Variants in SPINK5 observed in about 807,000 individuals in gnomAD.
SPINK5 encodes serine protease inhibitor Kazal-type 5.
Under a neutral mutation model 151.8 loss-of-function variants are expected in SPINK5, and 125 were observed. The ratio of observed to expected loss-of-function variants is 0.82; its 90% CI spans 0.71 to 0.96. SPINK5 has a LOEUF of 0.96. SPINK5 is among the 40% of genes least tolerant of loss of function. The pLI is 0.00. For synonymous variants in SPINK5, 374 were observed against 395.3 expected, an observed-to-expected ratio of 0.95 and a Z score of 0.64; for missense variants, 1,194 against 1,291.9, an observed-to-expected ratio of 0.92 and a Z score of 1.16.
chr5:148,112,224 A>T (rs1241209715), intron 19 of SPINK5, among the ~76,000 whole-genome samples: 1 of 152,224 alleles, frequency 6.6e-6, no homozygotes, highest in Admixed American at 6.5e-5. Flanking sequence ...TGTAATCATT[A>T]GGTGCTAATA....
chr5:148,128,591 C>T (rs1416750609), intron 30 of SPINK5, among the ~76,000 whole-genome samples: 1 of 152,100 alleles, frequency 6.6e-6, no homozygotes, highest in Non-Finnish European at 1.5e-5. Flanking sequence ...TGCAGTGGCG[C>T]GATCTCGGCT....
At chr5:148,072,279 GCTAT>G (rs1355825642) in intron 4 of SPINK5, 59 bp downstream of exon 4, 5 of 1,550,730 alleles carry the variant, frequency 3.2e-6, no homozygotes, top group African/African-American at 1.4e-5. Flanking sequence ...TCTATTTAGA[GCTAT>G]CTGTTTATTC....
At chr5:148,097,738 T>G (rs1456417315) in intron 10 of SPINK5, 129 bp from the exon 11 acceptor site, 5 of 910,164 alleles carry the variant, frequency 5.5e-6, no homozygotes, top group South Asian at 5.3e-5. Context: ...TCACAATTTT[T>G]GGATGGTCCT....
chr5:148,091,480 AAAG>A (rs1332478153), intron 8 of SPINK5, among the ~76,000 whole-genome samples: 3 of 151,824 alleles, frequency 2.0e-5, no homozygotes, highest in African/African-American at 7.2e-5. Context: ...CTAGCCCCCA[AAAG>A]AAGATATAAG....
intron 4 of SPINK5, among the ~76,000 whole-genome samples, chr5:148,083,782 T>A (rs1753084012): frequency 1.3e-5 from 2 of 151,604 alleles, no homozygotes; most frequent in Admixed American, 6.6e-5. Flanking sequence ...TTTATTTCCT[T>A]CTTTTGGAGA....
At chr5:148,078,348 G>C (rs569496589) in intron 4 of SPINK5, among the ~76,000 whole-genome samples, 45 of 151,008 alleles carry the variant, frequency 3.0e-4, no homozygotes, top group African/African-American at 1.0e-3. Context: ...ATAATCGTTA[G>C]GAATTTCAAT....
At chr5:148,108,162 A>C (rs892450848) in intron 17 of SPINK5, among the ~76,000 whole-genome samples, 11 of 152,302 alleles carry the variant, frequency 7.2e-5, no homozygotes, top group Middle Eastern at 6.8e-3. Context: ...AACATGCTAT[A>C]TGTCAGTAGA....
chr5:148,071,066 T>G (rs1262074647), intron 3 of SPINK5, among the ~76,000 whole-genome samples: 1 of 152,120 alleles, frequency 6.6e-6, no homozygotes, highest in African/African-American at 2.4e-5. Context: ...CTTGGTTTCC[T>G]TCTCTCCATT....
intron 4 of SPINK5, among the ~76,000 whole-genome samples, chr5:148,078,545 CAT>C (rs1230282641): frequency 6.6e-6 from 1 of 150,672 alleles, no homozygotes; most frequent in Non-Finnish European, 1.5e-5. Flanking sequence ...AAGGTACAAA[CAT>C]AATAAATTTT....
At position 148,120,409 on chromosome 5, in the gene SPINK5, C is replaced by A. The variant is rs375794481; in HGVS notation, c.2538+18C>A. On this transcript the variant is annotated intron_variant, in intron 26 of 32. Transcript: ENST00000256084. ...ACAAAGAGGTAATAGATGTTAGACACGCTAATACCTGAATTCAGTTAGTTC... is the reference window on the plus strand; with the variant it reads ...ACAAAGAGGTAATAGATGTTAGACAAGCTAATACCTGAATTCAGTTAGTTC... 3.6e-5 allele frequency: 57 copies of A among 1,579,434 alleles called. 1 individual carries two copies. Among genetic ancestry groups the A allele is most frequent in the Non-Finnish European group, 4.7e-5 (54 of 1,160,002 alleles).
intron 12 of SPINK5, among the ~76,000 whole-genome samples, chr5:148,099,746 A>G (rs1192220525): frequency 6.6e-6 from 1 of 152,102 alleles, no homozygotes; most frequent in Non-Finnish European, 1.5e-5. Flanking sequence ...TAGCTCAGTT[A>G]TCATCACCAA....
chr5:148,127,107 C>T lies in SPINK5; in HGVS notation c.2964+28C>T, dbSNP rs751286478. 7 of 1,578,610 alleles carry T rather than the reference C, an allele frequency of 4.4e-6. 1 individual carries two copies. The South Asian group carries it at 6.7e-5, about 15-fold the overall frequency. The stretch of plus-strand genomic sequence containing the variant: ...AAGGAGGACTATTTCTGAAAAGCTA[C>T]TTATCAATTTAATTTTCTTGATTTT... On this transcript the variant is annotated intron_variant, in intron 30 of 32. Coordinates refer to ENST00000256084, the MANE Select transcript of SPINK5 (RefSeq NM_006846.4).
chr5:148,113,943 C>A (rs1316621782), intron 20 of SPINK5, among the ~76,000 whole-genome samples: 1 of 152,052 alleles, frequency 6.6e-6, no homozygotes, highest in Non-Finnish European at 1.5e-5. Context: ...AGAAAAATTC[C>A]CTCTTTCATC....
Position 148,111,826 on chromosome 5 carries a change from A to G in SPINK5, c.1751A>G (p.Glu584Gly). 1 of 1,614,080 alleles carries G rather than the reference A, an allele frequency of 6.2e-7. No individual in the cohort carries two copies. Residue 584 changes from glutamate to glycine, a missense_variant, in exon 19 of 33, where the codon GAG becomes GGG. Transcript: ENST00000256084. Reference protein sequence around the residue: ...VRNGRLPCTRENDPIEGLDGK... With the variant: ...VRNGRLPCTRGNDPIEGLDGK... ...AATGGACGACTCCCCTGTACCAGAG[A>G]GAATGATCCTATTGAGGGTCTAGAT...
chr5:148,125,082 G>C (rs1754396850), intron 28 of SPINK5: 1 of 496,040 alleles, frequency 2.0e-6, no homozygotes, highest in African/African-American at 2.0e-5. Flanking sequence ...TTTCCTCCTT[G>C]GGAGAAATAT....
chr5:148,122,384 G>A (rs941671080), intron 26 of SPINK5, among the ~76,000 whole-genome samples: 1 of 152,134 alleles, frequency 6.6e-6, no homozygotes, highest in Admixed American at 6.5e-5. Context: ...AGTAAGGCCT[G>A]GAATTGTTTG....
At chr5:148,095,276 A>T (rs959368590) in intron 9 of SPINK5, among the ~76,000 whole-genome samples, 1 of 151,988 alleles carries the variant, frequency 6.6e-6, no homozygotes, top group African/African-American at 2.4e-5. Flanking sequence ...CTCAAGAACT[A>T]CAAGAGGGCA....
intron 4 of SPINK5, 45 bp downstream of exon 4, chr5:148,072,265 T>G: frequency 6.3e-7 from 1 of 1,580,958 alleles, no homozygotes; most frequent in Non-Finnish European, 8.7e-7. Flanking sequence ...AGAGGATGTT[T>G]GACTCTATTT....
chr5:148,077,430 G>T (rs1194810105), intron 4 of SPINK5, among the ~76,000 whole-genome samples: 1 of 150,964 alleles, frequency 6.6e-6, no homozygotes, highest in African/African-American at 2.4e-5. Context: ...AAAGAAATCT[G>T]AGAGACTTTG....
Sources: allele counts gnomAD v4.1 joint callset (sites outside exome capture counted in the v4.1 genomes callset), GRCh38; gene constraint gnomAD v4.1.1; transcripts MANE v1.5; gene names NCBI Gene and HGNC (gene_info 2026-07-23, HGNC 2026-07-21).